The following SEC24D variants were observed in gnomAD, a reference collection of about 807,000 sequenced individuals.
SEC24D encodes the protein protein transport protein Sec24D.
SEC24D carries 69 observed loss-of-function variants against 116.9 expected under a neutral mutation model. The ratio of observed to expected loss-of-function variants is 0.59; its 90% confidence interval spans 0.49 to 0.72. The LOEUF is 0.72. Ranked by LOEUF, SEC24D falls within the 30% of genes least tolerant of loss-of-function variation. SEC24D has a pLI of 0.00. For missense variants in SEC24D, 1,131 were observed against 1,264.1 expected (o/e 0.89, Z 1.60); for synonymous variants, 405 against 442.8 (o/e 0.91, Z 1.07).
intron 10 of SEC24D, among the ~76,000 whole-genome samples, chr4:118,763,547 TTTC>T (rs990514854): frequency 3.3e-5 from 5 of 152,174 alleles, no homozygotes; most frequent in Non-Finnish European, 5.9e-5. Flanking sequence ...AATGGCCCTG[TTTC>T]TTCAAGTCTA....
In SEC24D at chr4:118,802,638, G is replaced by A. The variant is rs1272843331; in HGVS notation, c.913+3205C>T. Among the ~76,000 whole-genome samples the A allele has an allele frequency of 3.3e-5, 5 of 152,168 alleles. No homozygotes were observed. In the East Asian group the frequency reaches 7.7e-4, roughly 23 times the overall value. ...AGGCTGCAGGCTAAGGAGAGAGAAC[G>A]ATGACTGAGACCCTGCCACCTTACT... On this transcript the variant is annotated intron_variant, in intron 7 of 22. Coordinates refer to ENST00000280551, the MANE Select transcript of SEC24D (RefSeq NM_014822.4).
In SEC24D at chr4:118,738,286, C is replaced by A; in HGVS notation, c.2471G>T (p.Cys824Phe). ...AHMLACYRKN[C>F]ASPSAASQLI... Reference sequence around the variant, plus strand: ...CTGGCTTGCTGCAGAAGGACTTGCACAATTCTTCCGGTAACATGCCAACAT... The same window carrying A: ...CTGGCTTGCTGCAGAAGGACTTGCAAAATTCTTCCGGTAACATGCCAACAT... The change falls in exon 19 of 23, where the codon TGT (cysteine) becomes TTT (phenylalanine). Residue 824 changes from cysteine to phenylalanine, a missense_variant. Physicochemically the swap from Cys to Phe is radical, Grantham distance 205 (BLOSUM62 -2). Transcript: ENST00000280551. The A allele has an allele frequency of 6.2e-7, 1 of 1,613,334 alleles. No individual in the cohort carries two copies.
intron 8 of SEC24D, among the ~76,000 whole-genome samples, chr4:118,790,349 C>A (rs1486968601): frequency 1.3e-5 from 2 of 152,014 alleles, no homozygotes; most frequent in Non-Finnish European, 2.9e-5. Flanking sequence ...TGCACTTGTC[C>A]AAAAGATAAA....
Position 118,815,018 on chromosome 4 carries a change from G to A in SEC24D, c.801+10C>T. On this transcript the variant is annotated intron_variant, in intron 6 of 22. Coordinates refer to ENST00000280551, the MANE Select transcript of SEC24D (RefSeq NM_014822.4). ...GTGAGTGAGACTGTGAGAGTGAGAA[G>A]AGTACTTACTGGGCTAGGGATAGAG... 6.2e-7 allele frequency: 1 copy of A among 1,612,652 alleles called. No individual in the cohort carries two copies. Among genetic ancestry groups the A allele is most frequent in the Non-Finnish European group, 8.5e-7 (1 of 1,179,502 alleles).
intron 7 of SEC24D, among the ~76,000 whole-genome samples, chr4:118,803,089 G>C (rs1480034771): frequency 6.6e-6 from 1 of 152,132 alleles, no homozygotes; most frequent in Non-Finnish European, 1.5e-5. Context: ...GGGGCTGGGT[G>C]GGGTGGAAGA....
intron 22 of SEC24D, among the ~76,000 whole-genome samples, chr4:118,725,136 AATAATAT>A (rs1725341756): frequency 6.6e-6 from 1 of 152,202 alleles, no homozygotes; most frequent in Non-Finnish European, 1.5e-5. Flanking sequence ...TAGTAAAAAT[AATAATAT>A]ATAAGAACAA....
intron 13 of SEC24D, among the ~76,000 whole-genome samples, chr4:118,749,889 T>G (rs1464427413): frequency 6.6e-6 from 1 of 152,204 alleles, no homozygotes; most frequent in African/African-American, 2.4e-5. Context: ...AGACAGTTCC[T>G]TATCTATTTA....
At chr4:118,751,175 G>GATTTTTTTT (rs1560635909) in intron 13 of SEC24D, among the ~76,000 whole-genome samples, 11 of 97,324 alleles carry the variant, frequency 1.1e-4, no homozygotes, top group Non-Finnish European at 1.6e-4. Context: ...TAGAGTGAGG[G>GATTTTTTTT]CTTTTTTTTT....
chr4:118,754,613 T>A (rs1321821104), intron 11 of SEC24D, among the ~76,000 whole-genome samples: 1 of 152,116 alleles, frequency 6.6e-6, no homozygotes, highest in Non-Finnish European at 1.5e-5. Context: ...AGGATGACTA[T>A]CATGATGGTG....
chr4:118,745,214 G>A (rs567854994), intron 13 of SEC24D, among the ~76,000 whole-genome samples, 154 bp from the exon 14 acceptor site: 1 of 152,144 alleles, frequency 6.6e-6, no homozygotes, highest in East Asian at 1.9e-4. Context: ...CCTTGGGCAG[G>A]TACTATTCTA....
At chr4:118,739,405 T>C in intron 17 of SEC24D, 118 bp from the exon 18 acceptor site, 4 of 867,366 alleles carry the variant, frequency 4.6e-6, no homozygotes, top group Non-Finnish European at 5.1e-6. Flanking sequence ...CCTCTAACTA[T>C]TTTTCCACAG....
intron 21 of SEC24D, chr4:118,729,286 A>G (rs1236574666): frequency 6.6e-6 from 1 of 152,094 alleles, no homozygotes; most frequent in East Asian, 1.9e-4. Flanking sequence ...TTTAAAATAT[A>G]TGGGGGTATA....
intron 8 of SEC24D, among the ~76,000 whole-genome samples, chr4:118,773,881 A>G (rs1475402449): frequency 6.6e-6 from 1 of 152,214 alleles, no homozygotes; most frequent in Non-Finnish European, 1.5e-5. Context: ...TATTTACCGT[A>G]CAAGTGCTTT....
At chr4:118,799,579 T>C (rs980291782) in intron 7 of SEC24D, among the ~76,000 whole-genome samples, 8 of 151,980 alleles carry the variant, frequency 5.3e-5, no homozygotes, top group African/African-American at 7.3e-5. Context: ...GAAGAGAAGA[T>C]GACCAAGTAC....
intron 2 of SEC24D, among the ~76,000 whole-genome samples, chr4:118,827,456 T>G (rs944969910): frequency 1.3e-5 from 2 of 152,148 alleles, no homozygotes; most frequent in African/African-American, 2.4e-5. Flanking sequence ...AAAAAAAATC[T>G]AAGATCACAA....
chr4:118,804,406 T>C (rs1729579887), intron 7 of SEC24D, among the ~76,000 whole-genome samples: 1 of 152,132 alleles, frequency 6.6e-6, no homozygotes, highest in Admixed American at 6.5e-5. Flanking sequence ...ATGAAGGCAA[T>C]TGTAAAGCAA....
At chr4:118,761,005 C>T (rs759792940) in intron 10 of SEC24D, among the ~76,000 whole-genome samples, 2 of 152,126 alleles carry the variant, frequency 1.3e-5, no homozygotes, top group Non-Finnish European at 1.5e-5. Flanking sequence ...GCATGAGCCA[C>T]CGCACCTGGC....
intron 13 of SEC24D, 102 bp from the exon 14 acceptor site, chr4:118,745,162 C>A: frequency 1.5e-6 from 1 of 678,776 alleles, no homozygotes; most frequent in South Asian, 1.8e-5. Flanking sequence ...ATGAGCTAAG[C>A]ACTATATTCA....
intron 2 of SEC24D, chr4:118,833,209 T>C (rs1390658827): frequency 6.2e-6 from 1 of 160,162 alleles, no homozygotes; most frequent in Non-Finnish European, 1.4e-5. Flanking sequence ...GATGTACAGA[T>C]TTATCTAGGG....
Sources: gnomAD v4.1 joint callset for allele counts (sites outside exome capture counted in the v4.1 genomes callset) on GRCh38, gnomAD v4.1.1 for gene constraint, MANE v1.5 for transcripts, NCBI Gene and HGNC (gene_info 2026-07-23, HGNC 2026-07-21) for gene names.